Variants in SLC5A9 observed in about 807,000 individuals in gnomAD.
SLC5A9 encodes the protein sodium/glucose cotransporter 4.
A neutral mutation model predicts 70.9 loss-of-function variants in SLC5A9; 59 were observed. The ratio of observed to expected loss-of-function variants is 0.83; its 90% CI spans 0.68 to 1.03. SLC5A9 has a LOEUF of 1.03. Ranked by LOEUF, SLC5A9 falls within the 50% of genes least tolerant of loss-of-function variation. The pLI is 0.00. For missense variants in SLC5A9, 832 were observed against 881.1 expected (o/e 0.94, Z 0.71); for synonymous variants, 340 against 346.5 (o/e 0.98, Z 0.21).
rs763554828 is a variant in SLC5A9 at position 48,247,418 on chromosome 1, G to C, written c.1921G>C (p.Glu641Gln). 6 of 1,614,090 alleles carry C rather than the reference G, an allele frequency of 3.7e-6. No individual in the cohort carries two copies. In the African/African-American group the frequency reaches 8.0e-5, roughly 22 times the overall value. The change falls in exon 14 of 14, where the codon GAG (glutamate) becomes CAG (glutamine). Residue 641 changes from glutamate to glutamine, a missense_variant. Transcript: ENST00000438567. ...GTPEQALSPAEKAALEQKLTS... is the reference protein window; with the variant it reads ...GTPEQALSPAQKAALEQKLTS... The stretch of plus-strand genomic sequence containing the variant: ...ACCGGAGCAGGCCCTGAGCCCAGCA[G>C]AGAAGGCTGCGCTAGAACAGAAGCT...
chr1:48,245,337 T>A (rs1027820627), intron 13 of SLC5A9, among the ~76,000 whole-genome samples: 2 of 152,026 alleles, frequency 1.3e-5, no homozygotes, highest in African/African-American at 4.8e-5. Context: ...GTTACACAAA[T>A]GGACCTACTC....
intron 8 of SLC5A9, 144 bp from the exon 9 acceptor site, chr1:48,233,511 C>T: frequency 1.5e-6 from 1 of 647,524 alleles, no homozygotes. Flanking sequence ...AAGACCCAGA[C>T]ACCATTTGCC....
rs892575923 is a variant in SLC5A9 at position 48,233,532 on chromosome 1, G to A, written c.1034-123G>A. The A allele has an allele frequency of 1.7e-5, 12 of 725,850 alleles. No individual in the cohort carries two copies. In the African/African-American group the frequency reaches 1.7e-4, roughly 11 times the overall value. The allele number at this position is 725,850 out of a possible 1,614,324, so 45.0% of individuals were successfully genotyped here. On this transcript the variant is annotated intron_variant, in intron 8 of 13. Coordinates refer to ENST00000438567, the MANE Select transcript of SLC5A9 (RefSeq NM_001011547.3). ...CAGACACCATTTGCCCCCCAACCTTGTAGACATGGGTCCCTGTCAGAGTCT... is the reference window on the plus strand; with the variant it reads ...CAGACACCATTTGCCCCCCAACCTTATAGACATGGGTCCCTGTCAGAGTCT...
At chr1:48,225,994 A>G (rs988178892) in intron 2 of SLC5A9, among the ~76,000 whole-genome samples, 2 of 152,100 alleles carry the variant, frequency 1.3e-5, no homozygotes, top group Non-Finnish European at 2.9e-5. Flanking sequence ...AGTAGCAGAA[A>G]CACAGGAGGC....
chr1:48,222,725 C>A lies in SLC5A9; in HGVS notation c.-12C>A. On this transcript the variant is annotated 5_prime_UTR_variant, in exon 1 of 14. Transcript: ENST00000438567. The stretch of plus-strand genomic sequence containing the variant: ...CCTCAAAGTCCAGCCTGCTGTTGAC[C>A]AACACTAACAGATGAGCAAGGAGCT... 1 of 1,613,870 alleles carries A rather than the reference C, an allele frequency of 6.2e-7. No homozygotes were observed. The highest frequency in any genetic ancestry group is 8.5e-7 in the Non-Finnish European group (1 of 1,179,888).
chr1:48,232,343 ACTC>A (rs1644261297), intron 7 of SLC5A9, 21 bp from the exon 8 acceptor site: 1 of 1,612,918 alleles, frequency 6.2e-7, no homozygotes, highest in Non-Finnish European at 8.5e-7. Flanking sequence ...CCTGCGCTGC[ACTC>A]CTCATTTGCT....
intron 13 of SLC5A9, among the ~76,000 whole-genome samples, chr1:48,245,706 C>T (rs1569873948): frequency 6.6e-6 from 1 of 152,178 alleles, no homozygotes; most frequent in Non-Finnish European, 1.5e-5. Context: ...TCACACCTGT[C>T]ATCCCAGCAC....
rs1644369759 is a variant in SLC5A9 at position 48,239,610 on chromosome 1, G to C, written c.1677+73G>C. On this transcript the variant is annotated intron_variant, in intron 12 of 13. Coordinates refer to ENST00000438567, the MANE Select transcript of SLC5A9 (RefSeq NM_001011547.3). The surrounding 1 kb of genome is among the most constrained non-coding windows in gnomAD (Gnocchi z 4.2). ...CCCCATAGCCTAGAATTCCACTGCT[G>C]ACTTTTACTCTGTTGGGTTATGGTC... 6.3e-6 allele frequency: 9 copies of C among 1,417,708 alleles called. No individual in the cohort carries two copies. Among genetic ancestry groups the C allele is most frequent in the Non-Finnish European group, 8.9e-6 (9 of 1,007,352 alleles). The allele number at this position is 1,417,708 out of a possible 1,614,324, so 87.8% of individuals were successfully genotyped here.
chr1:48,241,050 T>C (rs1644385137), intron 12 of SLC5A9: 1 of 152,314 alleles, frequency 6.6e-6, no homozygotes, highest in Non-Finnish European at 1.5e-5. Flanking sequence ...GTTTTTTTGT[T>C]GTTTGTTTTG....
intron 9 of SLC5A9, among the ~76,000 whole-genome samples, chr1:48,235,207 T>G (rs1644309631): frequency 6.6e-6 from 1 of 152,150 alleles, no homozygotes; most frequent in African/African-American, 2.4e-5. Flanking sequence ...GCTGGTTACT[T>G]GCAGAGCCAG....
At chr1:48,231,740 T>C in intron 6 of SLC5A9, 115 bp downstream of exon 6, 2 of 1,525,386 alleles carry the variant, frequency 1.3e-6, no homozygotes, top group Non-Finnish European at 1.8e-6. Flanking sequence ...ATGTGAGCCA[T>C]GTCCCCTCTC....
At chr1:48,244,736 A>ATATATATAAATTATATTTATAT (rs1357787360) in intron 13 of SLC5A9, among the ~76,000 whole-genome samples, 1,933 of 21,920 alleles carry the variant, frequency 0.088, 867 homozygotes, top group Non-Finnish European at 0.13. Flanking sequence ...AAAATATATA[A>ATATATATAAATTATATTTATAT]TATATATAAA....
At chr1:48,232,256 T>C (rs1004833) in intron 7 of SLC5A9, 105 bp downstream of exon 7, 457,711 of 1,549,686 alleles carry the variant, frequency 0.3, 70,260 homozygotes, top group Admixed American at 0.41. Flanking sequence ...CATTCTGGGA[T>C]TGTGACTGGA....
intron 2 of SLC5A9, among the ~76,000 whole-genome samples, chr1:48,225,562 T>G (rs1370927421): frequency 6.6e-6 from 1 of 152,030 alleles, no homozygotes; most frequent in East Asian, 1.9e-4. Flanking sequence ...GCCCCAGTGG[T>G]AGCTGAAGCA....
intron 2 of SLC5A9, chr1:48,228,549 C>T (rs1317963367): frequency 2.7e-6 from 1 of 368,336 alleles, no homozygotes; most frequent in Non-Finnish European, 5.1e-6. Flanking sequence ...GGGCGGAGGT[C>T]CACACTCCCC....
intron 11 of SLC5A9, among the ~76,000 whole-genome samples, chr1:48,238,161 C>A (rs113201564): frequency 3.7e-4 from 57 of 152,104 alleles, no homozygotes; most frequent in African/African-American, 1.4e-3. Context: ...AAGCACCTAA[C>A]CTATGGGGCT....
In SLC5A9 at chr1:48,235,781, C is replaced by T. The variant is rs756671269; in HGVS notation, c.1194C>T (p.Leu398=). 52 of 1,614,100 alleles carry T rather than the reference C, an allele frequency of 3.2e-5. No individual in the cohort carries two copies. Among genetic ancestry groups the T allele is most frequent in the Non-Finnish European group, 4.3e-5 (51 of 1,180,044 alleles). ...TCATGGCCGCTCTCATGAGCTCACT[C>T]ACCTCCATCTTCAACAGCAGCAGCA... ...AVIMAALMSS[L]TSIFNSSSTL... The change falls in exon 10 of 14, where the codon CTC becomes CTT. Residue 398 remains leucine (L), a synonymous_variant. Transcript: ENST00000438567.
Position 48,231,628 on chromosome 1 carries a change from A to G in SLC5A9, c.691+3A>G, listed in dbSNP as rs202041931. 329 of 1,614,110 alleles carry G rather than the reference A, an allele frequency of 2.0e-4. 1 individual carries two copies. Among genetic ancestry groups the G allele is most frequent in the South Asian group, 1.9e-3 (177 of 91,072 alleles). ...AGCCCTGGTCCTCATGTTTCTGGGT[A>G]AGGAAGAGACCTAAATATACCCCAC... On this transcript the variant is annotated splice_donor_region_variant and intron_variant, in intron 6 of 13. Transcript: ENST00000438567.
chr1:48,229,537 T>A, intron 4 of SLC5A9, 78 bp downstream of exon 4: 1 of 1,569,338 alleles, frequency 6.4e-7, no homozygotes, highest in Non-Finnish European at 8.7e-7. Flanking sequence ...CATGTGCGTG[T>A]TGCTGAGGGG....
Sources: allele counts gnomAD v4.1 joint callset (sites outside exome capture counted in the v4.1 genomes callset), GRCh38; gene constraint gnomAD v4.1.1; non-coding constraint Gnocchi (gnomAD v3.1); transcripts MANE v1.5; gene names NCBI Gene and HGNC (gene_info 2026-07-23, HGNC 2026-07-21).